The following TIAM2 variants were observed in gnomAD, a reference collection of about 807,000 sequenced individuals.
The protein encoded by TIAM2 is TIAM Rac1 associated GEF 2, also known as rho guanine nucleotide exchange factor TIAM2.
In TIAM2, 80 loss-of-function variants were observed where a neutral mutation model predicts 152.9. That is an observed-to-expected ratio of 0.52 (90% CI 0.44 to 0.63). The LOEUF is 0.63. TIAM2 is among the 30% of genes least tolerant of loss of function. The pLI is 0.00. For synonymous variants in TIAM2, 804 were observed against 838.0 expected (o/e 0.96, Z 0.70); for missense variants, 1,965 against 2,120.1 (o/e 0.93, Z 1.44).
At chr6:155,216,970 C>T (rs142458249) in intron 15 of TIAM2, 3 of 1,234,928 alleles carry the variant, frequency 2.4e-6, no homozygotes, top group Non-Finnish European at 3.1e-6. Flanking sequence ...TTTTTCATTG[C>T]CTGGGGATGA....
At chr6:155,050,013 G>A (rs920692575) in intron 1 of TIAM2, among the ~76,000 whole-genome samples, 1 of 152,164 alleles carries the variant, frequency 6.6e-6, no homozygotes, top group Non-Finnish European at 1.5e-5. Context: ...CAGAGTAAGT[G>A]AGGCTGAAAC....
chr6:155,230,555 A>T (rs1166161394), intron 15 of TIAM2, among the ~76,000 whole-genome samples: 1 of 91,000 alleles, frequency 1.1e-5, no homozygotes, highest in Admixed American at 1.1e-4. Flanking sequence ...TGTTCATCAA[A>T]GTGTCTTTAT....
intron 2 of TIAM2, among the ~76,000 whole-genome samples, chr6:155,092,056 C>A (rs1389883297): frequency 6.6e-6 from 1 of 152,082 alleles, no homozygotes; most frequent in African/African-American, 2.4e-5. Context: ...CACCACTGGG[C>A]CCGGCTAGTT....
At chr6:155,029,905 G>T (rs545828429) in intron 1 of TIAM2, among the ~76,000 whole-genome samples, 1 of 151,354 alleles carries the variant, frequency 6.6e-6, no homozygotes, top group Non-Finnish European at 1.5e-5. Flanking sequence ...CCATCCTCCC[G>T]TCTCAGCCTC....
intron 22 of TIAM2, 142 bp from the exon 23 acceptor site, chr6:155,251,803 T>G: frequency 1.5e-6 from 1 of 669,090 alleles, no homozygotes; most frequent in East Asian, 2.8e-5. Flanking sequence ...GGAAGTACCA[T>G]TTATTCACTC....
In TIAM2 at chr6:155,135,917, G is replaced by T. The variant is rs531777250; in HGVS notation, c.1195-1260G>T. On this transcript the variant is annotated intron_variant, in intron 4 of 26. Transcript: ENST00000682666. ...ATATTAATTATGAAAAAAACTGGCCGGGCGCGGTGGCTCATGCCTGTAATC... is the reference window on the plus strand; with the variant it reads ...ATATTAATTATGAAAAAAACTGGCCTGGCGCGGTGGCTCATGCCTGTAATC... Among the ~76,000 whole-genome samples the T allele has an allele frequency of 3.3e-5, 5 of 152,118 alleles. No individual in the cohort carries two copies. In the East Asian group the frequency reaches 9.7e-4, roughly 29 times the overall value.
At chr6:155,012,335 C>T (rs1388376517) in intron 1 of TIAM2, among the ~76,000 whole-genome samples, 1 of 152,158 alleles carries the variant, frequency 6.6e-6, no homozygotes, top group Non-Finnish European at 1.5e-5. Flanking sequence ...TAATCCTTAA[C>T]AGTATTTTGA....
At chr6:155,162,977 G>A (rs1027575566) in intron 7 of TIAM2, among the ~76,000 whole-genome samples, 1 of 152,186 alleles carries the variant, frequency 6.6e-6, no homozygotes, top group Non-Finnish European at 1.5e-5. Context: ...ACCAACCTAA[G>A]AAATAGCTAC....
In TIAM2 at chr6:155,137,293, G is replaced by T. The variant is rs929140781; in HGVS notation, c.1311G>T (p.Gln437His). ...SAFLWSGGST[Q>H]ILSQRSESTH... ...TTCTGTGGTCAGGGGGCTCTACTCAGATCCTGTCTCAGAGAAGTGAATCCA... is the reference window on the plus strand; with the variant it reads ...TTCTGTGGTCAGGGGGCTCTACTCATATCCTGTCTCAGAGAAGTGAATCCA... Residue 437 changes from glutamine to histidine, a missense_variant, in exon 5 of 27, where the codon CAG becomes CAT. Gln to His is a conservative substitution (Grantham distance 24). This residue lies in a region of TIAM2 where 1,025 missense variants were observed against 1,119.4 expected (regional missense o/e 0.92). Transcript: ENST00000682666. The T allele has an allele frequency of 4.3e-6, 7 of 1,614,218 alleles. No homozygotes were observed. Among genetic ancestry groups the T allele is most frequent in the Non-Finnish European group, 5.9e-6 (7 of 1,180,042 alleles).
intron 9 of TIAM2, among the ~76,000 whole-genome samples, chr6:155,169,558 A>T (rs1389985498): frequency 6.6e-6 from 1 of 152,132 alleles, no homozygotes; most frequent in Non-Finnish European, 1.5e-5. Context: ...GTGAATACAA[A>T]ATTGCATTTT....
intron 7 of TIAM2, among the ~76,000 whole-genome samples, chr6:155,154,804 G>C (rs1378421422): frequency 1.3e-5 from 2 of 152,042 alleles, no homozygotes; most frequent in Non-Finnish European, 2.9e-5. Context: ...TTGCTGGTAG[G>C]GTTCAGACTG....
At chr6:155,249,345 C>T (rs1374678853) in intron 20 of TIAM2, among the ~76,000 whole-genome samples, 5 of 152,164 alleles carry the variant, frequency 3.3e-5, no homozygotes, top group East Asian at 1.9e-4. Flanking sequence ...AACCTAGATC[C>T]GGGTTCCCAG....
At chr6:155,097,100 T>C (rs954250505) in intron 2 of TIAM2, among the ~76,000 whole-genome samples, 8 of 152,202 alleles carry the variant, frequency 5.3e-5, no homozygotes, top group Non-Finnish European at 8.8e-5. Context: ...CTCTGATGAT[T>C]AGTGATGCTG....
At chr6:154,999,026 C>T (rs73577391) in intron 1 of TIAM2, among the ~76,000 whole-genome samples, 7 of 151,986 alleles carry the variant, frequency 4.6e-5, no homozygotes, top group African/African-American at 9.7e-5. Context: ...TGAACAAACC[C>T]GATGACAACT....
intron 2 of TIAM2, among the ~76,000 whole-genome samples, chr6:155,112,837 CG>C (rs1433761504): frequency 6.6e-6 from 1 of 152,134 alleles, no homozygotes; most frequent in Non-Finnish European, 1.5e-5. Flanking sequence ...GCTCTCCCTT[CG>C]GCCCTCCAGA....
chr6:155,090,614 G>C (rs547781232), intron 2 of TIAM2, among the ~76,000 whole-genome samples: 2 of 152,234 alleles, frequency 1.3e-5, no homozygotes, highest in South Asian at 4.1e-4. Flanking sequence ...TATGCTGGAT[G>C]GTCCACTCAG....
chr6:155,007,138 C>T (rs1778415492), intron 1 of TIAM2, among the ~76,000 whole-genome samples: 1 of 152,122 alleles, frequency 6.6e-6, no homozygotes, highest in Non-Finnish European at 1.5e-5. Flanking sequence ...AAGACTTGCG[C>T]TTGTAGGGCA....
rs186350545 is a variant in TIAM2 at position 155,060,881 on chromosome 6, G to A, written c.-208-29408G>A. ...TTGCGCTCCAGCATGGGCGACAAGA[G>A]CAAAACTGTCTCAAAAACCAAACCA... On this transcript the variant is annotated intron_variant, in intron 1 of 26. Transcript: ENST00000682666. Among the ~76,000 whole-genome samples the A allele has an allele frequency of 4.1e-4, 62 of 152,318 alleles. No individual in the cohort carries two copies. In the East Asian group the frequency reaches 9.3e-3, roughly 23 times the overall value.
intron 19 of TIAM2, among the ~76,000 whole-genome samples, chr6:155,247,124 G>A (rs749705185): frequency 3.9e-5 from 6 of 152,248 alleles, no homozygotes; most frequent in Non-Finnish European, 8.8e-5. Flanking sequence ...GAGCTGTGGA[G>A]TGAAGGCTGT....
Sources: allele counts gnomAD v4.1 joint callset (sites outside exome capture counted in the v4.1 genomes callset), GRCh38; gene constraint gnomAD v4.1.1; regional missense constraint gnomAD v4.1.1; transcripts MANE v1.5; gene names NCBI Gene and HGNC (gene_info 2026-07-23, HGNC 2026-07-21).